Variants in UNC80 observed in about 807,000 individuals in gnomAD.
UNC80 encodes the protein protein unc-80 homolog.
Under a neutral mutation model 384.6 loss-of-function variants are expected in UNC80, and 164 were observed. The ratio of observed to expected loss-of-function variants is 0.43; its 90% confidence interval spans 0.38 to 0.49. The LOEUF is 0.49. Ranked by LOEUF, UNC80 falls within the 20% of genes least tolerant of loss-of-function variation. UNC80 has a pLI of 0.00. For synonymous variants in UNC80, 1,486 were observed against 1,527.8 expected (o/e 0.97, Z 0.64); for missense variants, 3,330 against 4,143.0 (o/e 0.80, Z 5.39).
At chr2:209,874,608 T>C (rs1382947707) in intron 23 of UNC80, among the ~76,000 whole-genome samples, 1 of 152,252 alleles carries the variant, frequency 6.6e-6, no homozygotes, top group Non-Finnish European at 1.5e-5. Flanking sequence ...CTGTGCCTAA[T>C]TCTCTGTCTC....
chr2:209,899,856 T>G (rs2087198013), intron 28 of UNC80, among the ~76,000 whole-genome samples: 2 of 152,238 alleles, frequency 1.3e-5, no homozygotes, highest in Non-Finnish European at 2.9e-5. Flanking sequence ...AAGGGAAAAC[T>G]GTCATCCAGT....
At chr2:209,909,544 G>A (rs751413273) in intron 29 of UNC80, among the ~76,000 whole-genome samples, 1 of 152,090 alleles carries the variant, frequency 6.6e-6, no homozygotes, top group Non-Finnish European at 1.5e-5. Context: ...TTTCAAGATG[G>A]CATCATTATT....
At position 209,875,869 on chromosome 2, in the gene UNC80, CTTTATTTT is replaced by C. The variant is rs2084734662; in HGVS notation, c.3841-2077_3841-2070del. Reference sequence around the variant, plus strand: ...TCTGAACTAAATTTTCTCTTTATTTCTTTATTTTTTTATTTCAGTGGCTTTTGGGGTAC... The same window carrying C: ...TCTGAACTAAATTTTCTCTTTATTTCTTTATTTCAGTGGCTTTTGGGGTAC... On this transcript the variant is annotated intron_variant, in intron 23 of 64. Transcript: ENST00000673920. 2.6e-5 allele frequency among the ~76,000 whole-genome samples: 4 copies of C among 152,198 alleles called. No homozygotes were observed. In the South Asian group the frequency reaches 8.3e-4, roughly 32 times the overall value.
At position 209,840,586 on chromosome 2, in the gene UNC80, G is replaced by A; in HGVS notation, c.3295G>A (p.Val1099Met). The change falls in exon 20 of 65, where the codon GTG (valine) becomes ATG (methionine). Residue 1099 changes from valine to methionine, a missense_variant. Coordinates refer to ENST00000673920, the MANE Select transcript of UNC80 (RefSeq NM_001371986.1). ...ATCCCTCTCAGGCCTGGCAGATGGT[G>A]TGGAGGACCTCCTGGACATTAGCTC... ...RSSLSGLADGVEDLLDISSVD... is the reference protein window; with the variant it reads ...RSSLSGLADGMEDLLDISSVD... 6.4e-7 allele frequency: 1 copy of A among 1,551,942 alleles called. No individual in the cohort carries two copies. The highest frequency in any genetic ancestry group is 8.7e-7 in the Non-Finnish European group (1 of 1,147,034).
chr2:209,780,780 G>A (rs1381644177), intron 4 of UNC80, among the ~76,000 whole-genome samples: 1 of 151,970 alleles, frequency 6.6e-6, no homozygotes, highest in Non-Finnish European at 1.5e-5. Flanking sequence ...TTCTGTTGGA[G>A]CCTATGGTCT....
intron 14 of UNC80, among the ~76,000 whole-genome samples, chr2:209,827,742 T>C (rs184962461): frequency 6.6e-6 from 1 of 152,184 alleles, no homozygotes. Flanking sequence ...TTTCAGAAAC[T>C]ACTTAAAATA....
chr2:209,779,160 G>A (rs1180154609), intron 4 of UNC80, among the ~76,000 whole-genome samples: 1 of 152,022 alleles, frequency 6.6e-6, no homozygotes, highest in Non-Finnish European at 1.5e-5. Context: ...GCTTTAATAG[G>A]GACTGTCCAC....
chr2:209,815,191 AT>A, intron 8 of UNC80, 65 bp from the exon 9 acceptor site: 1 of 1,467,390 alleles, frequency 6.8e-7, no homozygotes, highest in Non-Finnish European at 9.2e-7. Flanking sequence ...AAAATGTGAC[AT>A]TTCAATAAGA....
At position 209,777,570 on chromosome 2, in the gene UNC80, A is replaced by T. The variant is rs142417033; in HGVS notation, c.600+11A>T. On this transcript the variant is annotated intron_variant, in intron 4 of 64. Transcript: ENST00000673920. ...GTACACAGGATCAAGGTAAGCAGAA[A>T]CCCAGTGTTAGAGCTGGAGTGGGTG... is the stretch of plus-strand genomic sequence containing the variant. The T allele has an allele frequency of 0.013, 20,137 of 1,593,554 alleles. 142 individuals carry two copies. The highest frequency in any genetic ancestry group is 0.014 in the Non-Finnish European group (16,614 of 1,169,534).
rs993849132 is a variant in UNC80, at chr2:209,976,346, G to C, written c.8772+43G>C. The C allele has an allele frequency of 4.5e-6, 7 of 1,551,026 alleles. No homozygotes were observed. The African/African-American group carries it at 8.2e-5, about 18-fold the overall frequency. ...CCTCCTGAAAGTGGCAAGCTCAAAT[G>C]AATGTGTGGCTCTCTACTGAGGCAG... On this transcript the variant is annotated intron_variant, in intron 57 of 64. Transcript: ENST00000673920. The surrounding 1 kb of genome is among the most constrained non-coding windows in gnomAD (Gnocchi z 4.3).
chr2:209,931,359 G>A, intron 38 of UNC80, among the ~76,000 whole-genome samples: 1 of 104,954 alleles, frequency 9.5e-6, no homozygotes, highest in African/African-American at 3.3e-5. Flanking sequence ...CTATCTCTAT[G>A]TTTAAACACA....
At chr2:209,919,746 G>T (rs1232209650) in intron 33 of UNC80, among the ~76,000 whole-genome samples, 1 of 152,072 alleles carries the variant, frequency 6.6e-6, no homozygotes, top group Non-Finnish European at 1.5e-5. Flanking sequence ...TTGCCAAAGA[G>T]AAATACACAC....
chr2:209,844,476 TTTCCTTCCTTCC>T lies in UNC80; in HGVS notation c.3454+2093_3454+2104del, dbSNP rs1163831109. Among the ~76,000 whole-genome samples the T allele has an allele frequency of 5.5e-3, 379 of 69,176 alleles. 1 individual carries two copies. Among genetic ancestry groups the T allele is most frequent in the African/African-American group, 0.013 (252 of 18,966 alleles). The allele number at this position is 69,176 out of a possible 152,430, so 45.4% of individuals were successfully genotyped here. A position where few individuals can be genotyped will look rare whatever the true frequency, so the allele number is the denominator to read the frequency against. On this transcript the variant is annotated intron_variant, in intron 21 of 64. Transcript: ENST00000673920. ...TTTTCTTTCTTTCTTTCTTTCTTTCTTTCCTTCCTTCCTTCCTTCCTTCCTTCCTTCCTTCCT... is the reference window on the plus strand; with the variant it reads ...TTTTCTTTCTTTCTTTCTTTCTTTCTTTCCTTCCTTCCTTCCTTCCTTCCT...
Position 209,943,404 on chromosome 2 carries a change from C to A in UNC80, c.6940C>A (p.Pro2314Thr). Residue 2314 changes from proline to threonine, a missense_variant, in exon 45 of 65, where the codon CCC becomes ACC. Pro to Thr is a conservative substitution (Grantham distance 38, BLOSUM62 -1). Transcript: ENST00000673920. ...LQVYSDYESN[P>T]QLRQAIEFAC... ...GGTGTACTCCGACTATGAAAGCAAT[C>A]CCCAGCTGCGTCAAGCCATCGAATT... is the stretch of plus-strand genomic sequence containing the variant. 6.4e-7 allele frequency: 1 copy of A among 1,552,148 alleles called. No homozygotes were observed. The highest frequency in any genetic ancestry group is 8.7e-7 in the Non-Finnish European group (1 of 1,147,056).
chr2:209,827,560 T>G (rs1163363386), intron 14 of UNC80, among the ~76,000 whole-genome samples: 1 of 152,182 alleles, frequency 6.6e-6, no homozygotes, highest in African/African-American at 2.4e-5. Context: ...TCAATTTGAC[T>G]TATGGGATAA....
chr2:209,954,078 G>T (rs2092309948), intron 47 of UNC80, 22 bp from the exon 48 acceptor site: 1 of 1,539,130 alleles, frequency 6.5e-7, no homozygotes, highest in Non-Finnish European at 8.8e-7. Context: ...AGGTGACTCG[G>T]TTTTCTTTCT....
intron 43 of UNC80, among the ~76,000 whole-genome samples, chr2:209,940,758 A>G (rs2091575801): frequency 6.6e-6 from 1 of 152,136 alleles, no homozygotes; most frequent in Admixed American, 6.5e-5. Flanking sequence ...TGGAGGTTGC[A>G]GTGAGCCGAG....
intron 29 of UNC80, among the ~76,000 whole-genome samples, chr2:209,906,542 TTATATC>T (rs1397546408): frequency 3.9e-5 from 6 of 152,242 alleles, no homozygotes; most frequent in Admixed American, 2.0e-4. Context: ...TATCCACACT[TTATATC>T]TATAATGTAT....
chr2:209,973,084 C>G lies in UNC80; in HGVS notation c.8401C>G (p.Pro2801Ala). The G allele has an allele frequency of 6.4e-7, 1 of 1,551,594 alleles. No homozygotes were observed. The highest frequency in any genetic ancestry group is 8.7e-7 in the Non-Finnish European group (1 of 1,146,996). The part of the protein sequence containing the change: ...GSKDSPWLEQ[P>A]EVQLLLQTVI... Reference sequence around the variant, plus strand: ...CTCAGATAGCCCATGGCTGGAGCAGCCTGAGGTGCAGCTGCTGCTGCAGAC... The same window carrying G: ...CTCAGATAGCCCATGGCTGGAGCAGGCTGAGGTGCAGCTGCTGCTGCAGAC... Residue 2801 changes from proline (P) to alanine (A), a missense_variant, in exon 56 of 65, where the codon CCT (proline) becomes GCT (alanine). Coordinates refer to ENST00000673920, the MANE Select transcript of UNC80 (RefSeq NM_001371986.1).
Sources: gnomAD v4.1 joint callset for allele counts (sites outside exome capture counted in the v4.1 genomes callset) on GRCh38, gnomAD v4.1.1 for gene constraint, Gnocchi (gnomAD v3.1) non-coding constraint, MANE v1.5 for transcripts, NCBI Gene and HGNC (gene_info 2026-07-23, HGNC 2026-07-21) for gene names.